CNTNAP5: variants seen among roughly 807,000 people sequenced by gnomAD.
CNTNAP5 encodes contactin associated protein family member 5.
CNTNAP5 carries 72 observed loss-of-function variants against 150.2 expected under a neutral mutation model. The ratio of observed to expected loss-of-function variants is 0.48; its 90% CI spans 0.40 to 0.58. The LOEUF is 0.58. CNTNAP5 is among the 20% of genes least tolerant of loss of function. The pLI is 0.00. For synonymous variants in CNTNAP5, 672 were observed against 619.8 expected (o/e 1.08, Z -1.25); for missense variants, 1,636 against 1,626.2 (o/e 1.01, Z -0.10).
intron 10 of CNTNAP5, among the ~76,000 whole-genome samples, chr2:124,540,416 G>A (rs1408920352): frequency 6.6e-6 from 1 of 152,162 alleles, no homozygotes; most frequent in East Asian, 1.9e-4. Context: ...CATGCAATAT[G>A]ATATTAGCCT....
At chr2:124,655,701 C>T (rs1157343268) in intron 13 of CNTNAP5, among the ~76,000 whole-genome samples, 1 of 151,686 alleles carries the variant, frequency 6.6e-6, no homozygotes, top group East Asian at 1.9e-4. Context: ...AGTTGGAGAT[C>T]AGCTTGGGCA....
At chr2:124,055,580 C>T (rs2104647306) in intron 1 of CNTNAP5, among the ~76,000 whole-genome samples, 1 of 152,244 alleles carries the variant, frequency 6.6e-6, no homozygotes, top group South Asian at 2.1e-4. Flanking sequence ...CAGGGGCTGT[C>T]AACAGTGGCT....
Position 124,685,763 on chromosome 2 carries a change from C to CGTGT in CNTNAP5, c.2077+37806_2077+37807insTGTG, listed in dbSNP as rs375736227. ...AAGTGTGTGTGTGTGTGTGTGTGTG[C>CGTGT]GCGCGCGTGTTATTGAGCATTCCTG... On this transcript the variant is annotated intron_variant, in intron 13 of 23. Transcript: ENST00000682447. Among the ~76,000 whole-genome samples, 10 of 143,762 alleles carry CGTGT rather than the reference C, an allele frequency of 7.0e-5. No homozygotes were observed. The East Asian group carries it at 1.4e-3, about 20-fold the overall frequency. The allele number at this position is 143,762 out of a possible 152,430, so 94.3% of individuals were successfully genotyped here. A position where few individuals can be genotyped will look rare whatever the true frequency, so the allele number is the denominator to read the frequency against.
At chr2:124,120,929 G>T (rs1683544935) in intron 1 of CNTNAP5, among the ~76,000 whole-genome samples, 1 of 152,118 alleles carries the variant, frequency 6.6e-6, no homozygotes, top group African/African-American at 2.4e-5. Context: ...AGGGGTCTCT[G>T]TTGGATCTAT....
At chr2:124,110,657 T>A (rs917804503) in intron 1 of CNTNAP5, among the ~76,000 whole-genome samples, 2 of 152,198 alleles carry the variant, frequency 1.3e-5, no homozygotes, top group African/African-American at 4.8e-5. Context: ...GCTATTGGTA[T>A]CCTCATTTTA....
chr2:124,853,370 G>A (rs1345004558), intron 19 of CNTNAP5, among the ~76,000 whole-genome samples: 1 of 152,162 alleles, frequency 6.6e-6, no homozygotes, highest in Non-Finnish European at 1.5e-5. Flanking sequence ...CCTTGCCAGT[G>A]TGGTCTCTTT....
chr2:124,627,073 A>G (rs1424587455), intron 12 of CNTNAP5, among the ~76,000 whole-genome samples: 1 of 152,202 alleles, frequency 6.6e-6, no homozygotes, highest in East Asian at 1.9e-4. Flanking sequence ...ACTTACAGAA[A>G]GAGCTCTCAC....
At chr2:124,750,826 A>C (rs936592687) in intron 14 of CNTNAP5, among the ~76,000 whole-genome samples, 6 of 151,984 alleles carry the variant, frequency 3.9e-5, no homozygotes, top group African/African-American at 1.5e-4. Context: ...TCTACTAAAA[A>C]TACAAAAATT....
At chr2:124,508,115 A>G (rs575288226) in intron 8 of CNTNAP5, among the ~76,000 whole-genome samples, 1 of 152,290 alleles carries the variant, frequency 6.6e-6, no homozygotes, top group South Asian at 2.1e-4. Flanking sequence ...TGGTGCTGGC[A>G]ATTAAATGAG....
intron 7 of CNTNAP5, among the ~76,000 whole-genome samples, chr2:124,496,384 C>T (rs1049056381): frequency 2.6e-5 from 4 of 152,042 alleles, no homozygotes; most frequent in Non-Finnish European, 5.9e-5. Context: ...AATCTTTCCC[C>T]GCAAATTAGA....
At chr2:124,747,701 C>T (rs1421730388) in intron 14 of CNTNAP5, among the ~76,000 whole-genome samples, 1 of 144,832 alleles carries the variant, frequency 6.9e-6, no homozygotes, top group Admixed American at 7.0e-5. Flanking sequence ...CTCACTGCAA[C>T]CTCCGCCTGC....
In CNTNAP5 at chr2:124,040,623, G is replaced by GTGTGTGTA. The variant is rs950291060; in HGVS notation, c.82+14898_82+14899insATGTGTGT. ...TGCCTGTGTGCCTCTGTATGCCTCTGTGTGTGTGTGTGTGTGTGTGTGTGT... is the reference window on the plus strand; with the variant it reads ...TGCCTGTGTGCCTCTGTATGCCTCTGTGTGTGTATGTGTGTGTGTGTGTGTGTGTGTGT... On this transcript the variant is annotated intron_variant, in intron 1 of 23. Coordinates refer to ENST00000682447, the MANE Select transcript of CNTNAP5 (RefSeq NM_001367498.1). Among the ~76,000 whole-genome samples the GTGTGTGTA allele has an allele frequency of 3.7e-5, 5 of 134,506 alleles. No homozygotes were observed. In the South Asian group the frequency reaches 1.1e-3, roughly 29 times the overall value. The allele number at this position is 134,506 out of a possible 152,430, so 88.2% of individuals were successfully genotyped here.
intron 19 of CNTNAP5, among the ~76,000 whole-genome samples, chr2:124,851,808 C>A (rs1558800347): frequency 6.6e-6 from 1 of 152,174 alleles, no homozygotes; most frequent in Non-Finnish European, 1.5e-5. Context: ...ATGAAGTTGG[C>A]AGTCCTGGAT....
At chr2:124,764,221 A>G in intron 16 of CNTNAP5, 74 bp downstream of exon 16, 1 of 1,157,408 alleles carries the variant, frequency 8.6e-7, no homozygotes, top group Non-Finnish European at 1.3e-6. Context: ...GCCACCAGTC[A>G]CTAGTGGGCA....
chr2:124,690,940 C>T (rs1359644865), intron 13 of CNTNAP5, among the ~76,000 whole-genome samples: 1 of 152,030 alleles, frequency 6.6e-6, no homozygotes, highest in Non-Finnish European at 1.5e-5. Flanking sequence ...TGCAGAAAAT[C>T]AATGACAAAA....
rs181079544 is a variant in CNTNAP5, at chr2:124,894,104, C to A, written c.3437-8778C>A. On this transcript the variant is annotated intron_variant, in intron 21 of 23. Coordinates refer to ENST00000682447, the MANE Select transcript of CNTNAP5 (RefSeq NM_001367498.1). ...AACTGACTGTTGGTTGCCTACCCAG[C>A]ATCCATTTTGACTCCCTTTCCTTTA... Among the ~76,000 whole-genome samples the A allele has an allele frequency of 4.3e-4, 65 of 152,214 alleles. 2 individuals carry two copies. The South Asian group carries it at 0.012, about 28-fold the overall frequency.
At chr2:124,313,298 A>T (rs1028192286) in intron 3 of CNTNAP5, among the ~76,000 whole-genome samples, 5 of 152,152 alleles carry the variant, frequency 3.3e-5, no homozygotes, top group Non-Finnish European at 7.3e-5. Context: ...TTTCTGTTAC[A>T]TTTAGGCATC....
intron 3 of CNTNAP5, among the ~76,000 whole-genome samples, chr2:124,412,594 A>T (rs1691801071): frequency 6.7e-6 from 1 of 150,372 alleles, no homozygotes; most frequent in Non-Finnish European, 1.5e-5. Flanking sequence ...CAACTATCTG[A>T]TCTTTGACAA....
At chr2:124,293,924 A>G (rs1688361408) in intron 3 of CNTNAP5, among the ~76,000 whole-genome samples, 1 of 152,288 alleles carries the variant, frequency 6.6e-6, no homozygotes, top group Admixed American at 6.5e-5. Context: ...GTTTGATAGC[A>G]GAGATGAGAA....
Sources: allele counts gnomAD v4.1 joint callset (sites outside exome capture counted in the v4.1 genomes callset), GRCh38; gene constraint gnomAD v4.1.1; transcripts MANE v1.5; gene names NCBI Gene and HGNC (gene_info 2026-07-23, HGNC 2026-07-21).